Variants in DNAH14 observed in about 807,000 individuals in gnomAD.
DNAH14 encodes axonemal beta dynein heavy chain 14.
Under a neutral mutation model 520.9 loss-of-function variants are expected in DNAH14, and 478 were observed. The ratio of observed to expected loss-of-function variants is 0.92; its 90% CI spans 0.85 to 0.99. The LOEUF (loss-of-function observed/expected upper bound fraction) is 0.99. Ranked by LOEUF, DNAH14 falls within the 50% of genes least tolerant of loss-of-function variation. DNAH14 has a pLI of 0.00. For synonymous variants in DNAH14, 1,581 were observed against 1,757.2 expected, an observed-to-expected ratio of 0.90 and a Z score of 2.51; for missense variants, 4,831 against 5,234.5, an observed-to-expected ratio of 0.92 and a Z score of 2.38.
In DNAH14 at chr1:225,144,594, C is replaced by T; in HGVS notation, c.4706C>T (p.Thr1569Ile). ...LGGCPAGPAG[T>I]GKTETVKDLA... The stretch of plus-strand genomic sequence containing the variant: ...GGCTGTCCTGCCGGTCCAGCTGGTA[C>T]AGGAAAAACTGAGACTGTCAAAGAT... The change falls in exon 29 of 86, where the codon ACA (threonine) becomes ATA (isoleucine). Residue 1569 changes from threonine to isoleucine, a missense_variant. Coordinates refer to ENST00000682510, the MANE Select transcript of DNAH14 (RefSeq NM_001367479.1). 6.4e-7 allele frequency: 1 copy of T among 1,551,296 alleles called. No homozygotes were observed. Among genetic ancestry groups the T allele is most frequent in the South Asian group, 1.2e-5 (1 of 84,040 alleles).
intron 17 of DNAH14, among the ~76,000 whole-genome samples, chr1:225,070,911 A>C (rs536478690): frequency 1.3e-3 from 198 of 152,296 alleles, no homozygotes; most frequent in African/African-American, 4.4e-3. Context: ...TTCTTGTTGA[A>C]TTGAACCCTT....
chr1:225,060,302 G>A (rs912391754), intron 17 of DNAH14, among the ~76,000 whole-genome samples: 4 of 151,766 alleles, frequency 2.6e-5, no homozygotes, highest in Non-Finnish European at 5.9e-5. Context: ...CCAGTTGATC[G>A]AATCAACTAC....
At position 225,084,808 on chromosome 1, in the gene DNAH14, ACT is replaced by A. The variant is rs1466422785; in HGVS notation, c.3328-735_3328-734del. On this transcript the variant is annotated intron_variant, in intron 20 of 85. Coordinates refer to ENST00000682510, the MANE Select transcript of DNAH14 (RefSeq NM_001367479.1). ...GACTTGACAAGGCTAGATTCACTTC[ACT>A]GAAATTTTGCTTTACACATTATCAG... Among the ~76,000 whole-genome samples the A allele has an allele frequency of 2.9e-4, 4 of 13,954 alleles. No individual in the cohort carries two copies. In the Admixed American group the frequency reaches 3.6e-3, roughly 13 times the overall value. 9.2% of individuals were successfully genotyped at this position (13,954 alleles called of 152,430 possible).
chr1:225,057,585 G>T (rs1367257445), intron 17 of DNAH14, among the ~76,000 whole-genome samples: 1 of 152,144 alleles, frequency 6.6e-6, no homozygotes, highest in African/African-American at 2.4e-5. Flanking sequence ...AGTGGTGAGA[G>T]AGGGCATCCC....
chr1:225,060,218 T>C (rs1232797574), intron 17 of DNAH14, among the ~76,000 whole-genome samples: 2 of 152,084 alleles, frequency 1.3e-5, no homozygotes, highest in Non-Finnish European at 2.9e-5. Context: ...CATTTCTTTT[T>C]ATTTTTTTTT....
chr1:225,038,853 A>C lies in DNAH14; in HGVS notation c.1488+30A>C, dbSNP rs1342583449. On this transcript the variant is annotated intron_variant, in intron 12 of 85. Transcript: ENST00000682510. ...AATGATCTTTGAAAAATATAAACAT[A>C]GATTTTTTGCTATAAAATGAATACA... The C allele has an allele frequency of 3.4e-5, 49 of 1,439,766 alleles. No individual in the cohort carries two copies. In the East Asian group the frequency reaches 1.3e-3, roughly 38 times the overall value. 89.2% of individuals were successfully genotyped at this position (1,439,766 alleles called of 1,614,324 possible).
At chr1:225,043,608 G>C in intron 13 of DNAH14, 136 bp from the exon 14 acceptor site, 1 of 654,468 alleles carries the variant, frequency 1.5e-6, no homozygotes, top group Non-Finnish European at 2.6e-6. Flanking sequence ...TACTGCTTCA[G>C]TATTGTGTTT....
At chr1:225,072,146 G>T (rs979015424) in intron 17 of DNAH14, among the ~76,000 whole-genome samples, 1 of 152,050 alleles carries the variant, frequency 6.6e-6, no homozygotes, top group African/African-American at 2.4e-5. Context: ...TTTCAAGTTG[G>T]CTCCATTCTC....
intron 43 of DNAH14, among the ~76,000 whole-genome samples, chr1:225,250,014 A>G (rs1389776684): frequency 6.6e-6 from 1 of 152,218 alleles, no homozygotes; most frequent in Non-Finnish European, 1.5e-5. Flanking sequence ...GTTTGGGACT[A>G]TTATGGATAA....
chr1:225,325,860 C>T (rs769660272), intron 64 of DNAH14, among the ~76,000 whole-genome samples: 28 of 152,094 alleles, frequency 1.8e-4, no homozygotes, highest in Non-Finnish European at 3.2e-4. Flanking sequence ...TCTGGGCTAG[C>T]GTTCCCACTT....
chr1:225,189,439 G>A (rs1246126435), intron 37 of DNAH14, among the ~76,000 whole-genome samples: 1 of 149,558 alleles, frequency 6.7e-6, no homozygotes, highest in Non-Finnish European at 1.5e-5. Flanking sequence ...AAGAGTTTGA[G>A]TAGGATTGGT....
At chr1:225,333,207 A>T (rs1239376447) in intron 65 of DNAH14, 84 bp from the exon 66 acceptor site, 3 of 1,133,856 alleles carry the variant, frequency 2.6e-6, no homozygotes, top group African/African-American at 3.1e-5. Context: ...GCAATGATAG[A>T]TCCAACTTGG....
intron 60 of DNAH14, among the ~76,000 whole-genome samples, chr1:225,309,296 C>G (rs1252093714): frequency 6.6e-6 from 1 of 152,152 alleles, no homozygotes; most frequent in Non-Finnish European, 1.5e-5. Context: ...ACTTGTGCTT[C>G]CATTATTAGC....
At chr1:225,321,323 A>G (rs1334526881) in intron 61 of DNAH14, among the ~76,000 whole-genome samples, 4 of 152,210 alleles carry the variant, frequency 2.6e-5, no homozygotes, top group Non-Finnish European at 5.9e-5. Flanking sequence ...ACTATTGCCT[A>G]CTGGGCTTAG....
chr1:224,967,794 A>C, intron 6 of DNAH14: 1 of 1,424,496 alleles, frequency 7.0e-7, no homozygotes, highest in South Asian at 1.7e-5. Context: ...ATTCAACTTT[A>C]ATAAATTTTT....
chr1:224,996,742 T>C (rs2063416873), intron 8 of DNAH14, among the ~76,000 whole-genome samples: 1 of 152,110 alleles, frequency 6.6e-6, no homozygotes, highest in Non-Finnish European at 1.5e-5. Context: ...ATGGTACCAC[T>C]GATTGAGTTC....
chr1:225,256,429 G>A (rs756427342), intron 44 of DNAH14, among the ~76,000 whole-genome samples: 1 of 151,802 alleles, frequency 6.6e-6, no homozygotes, highest in Admixed American at 6.6e-5. Context: ...GCAGGATTGG[G>A]TAAGAAAATA....
chr1:225,343,355 G>A (rs775657888), intron 69 of DNAH14, among the ~76,000 whole-genome samples: 18 of 152,260 alleles, frequency 1.2e-4, no homozygotes, highest in African/African-American at 3.1e-4. Context: ...AAGACCTTAC[G>A]AGACTTTACA....
intron 8 of DNAH14, among the ~76,000 whole-genome samples, chr1:224,988,144 A>G (rs1180483380): frequency 6.6e-6 from 1 of 152,108 alleles, no homozygotes; most frequent in East Asian, 1.9e-4. Flanking sequence ...ATAAGTGAGA[A>G]TATGCGGTGT....
Sources: gnomAD v4.1 joint callset for allele counts (sites outside exome capture counted in the v4.1 genomes callset) on GRCh38, gnomAD v4.1.1 for gene constraint, MANE v1.5 for transcripts, NCBI Gene and HGNC (gene_info 2026-07-23, HGNC 2026-07-21) for gene names.